The following FAT3 variants were observed in gnomAD, a reference collection of about 807,000 sequenced individuals.
The protein encoded by FAT3 is protocadherin Fat 3.
Under a neutral mutation model 310.2 loss-of-function variants are expected in FAT3, and 95 were observed. The ratio of observed to expected loss-of-function variants is 0.31; its 90% CI spans 0.26 to 0.36. FAT3 has a LOEUF of 0.36. FAT3 is among the 10% of genes least tolerant of loss of function. The pLI is 1.00. For missense variants in FAT3, 5,408 were observed against 5,715.6 expected (o/e 0.95, Z 1.74); for synonymous variants, 2,314 against 2,192.9 (o/e 1.06, Z -1.54).
intron 2 of FAT3, among the ~76,000 whole-genome samples, chr11:92,490,223 C>T (rs923530339): frequency 1.3e-5 from 2 of 152,156 alleles, no homozygotes; most frequent in African/African-American, 4.8e-5. Context: ...TAGCCATCGG[C>T]ATAATCAGTT....
intron 3 of FAT3, among the ~76,000 whole-genome samples, chr11:92,547,979 T>C (rs1954669686): frequency 6.6e-6 from 1 of 152,132 alleles, no homozygotes; most frequent in South Asian, 2.1e-4. Context: ...AGGAGACAGG[T>C]AGACATCTTC....
intron 3 of FAT3, among the ~76,000 whole-genome samples, chr11:92,565,008 C>T (rs558666603): frequency 3.3e-3 from 485 of 145,278 alleles, no homozygotes; most frequent in Non-Finnish European, 4.6e-3. Context: ...CATTCAAAAG[C>T]TAGCAGAAGG....
Position 92,859,334 on chromosome 11 carries a change from G to T in FAT3, c.11658+12G>T, listed in dbSNP as rs779716403. On this transcript the variant is annotated intron_variant, in intron 21 of 27. Transcript: ENST00000525166. ...GCATAATTCTGAAGGTAATTAAAAT[G>T]GGTTATCTTTTTCTGCAGTCAGTTC... 3 of 1,567,922 alleles carry T rather than the reference G, an allele frequency of 1.9e-6. No individual in the cohort carries two copies. The highest frequency in any genetic ancestry group is 1.2e-5 in the South Asian group (1 of 84,660).
intron 4 of FAT3, 67 bp downstream of exon 4, chr11:92,697,512 A>T: frequency 7.2e-7 from 1 of 1,389,058 alleles, no homozygotes; most frequent in Non-Finnish European, 1.0e-6. Flanking sequence ...AACCTTCAAC[A>T]TAAACTACAC....
At chr11:92,564,311 G>T (rs1955350099) in intron 3 of FAT3, among the ~76,000 whole-genome samples, 3 of 151,262 alleles carry the variant, frequency 2.0e-5, no homozygotes, top group South Asian at 2.1e-4. Flanking sequence ...TAATGGTAAA[G>T]GGATCAATTC....
chr11:92,593,991 G>A (rs901448204), intron 3 of FAT3, among the ~76,000 whole-genome samples: 1 of 152,126 alleles, frequency 6.6e-6, no homozygotes, highest in African/African-American at 2.4e-5. Context: ...TGAGAAGCAA[G>A]GACCCCTTCT....
At chr11:92,877,241 A>T (rs1949553014) in intron 22 of FAT3, among the ~76,000 whole-genome samples, 1 of 152,098 alleles carries the variant, frequency 6.6e-6, no homozygotes, top group African/African-American at 2.4e-5. Flanking sequence ...ATCCCCAAAA[A>T]CTCAGGAACT....
intron 3 of FAT3, among the ~76,000 whole-genome samples, chr11:92,562,682 G>A (rs1955274852): frequency 6.6e-6 from 1 of 152,176 alleles, no homozygotes; most frequent in African/African-American, 2.4e-5. Flanking sequence ...AGGGTGAAGG[G>A]CAGGGGCATA....
chr11:92,486,309 T>C (rs1952400721), intron 2 of FAT3, among the ~76,000 whole-genome samples: 2 of 151,904 alleles, frequency 1.3e-5, no homozygotes, highest in Admixed American at 6.6e-5. Context: ...GTTTTTTTAC[T>C]AAATTATACT....
intron 4 of FAT3, among the ~76,000 whole-genome samples, chr11:92,758,488 G>T (rs1946061696): frequency 6.6e-6 from 1 of 152,186 alleles, no homozygotes; most frequent in Admixed American, 6.5e-5. Context: ...AGCATGGCAT[G>T]CTCAGGACCT....
intron 3 of FAT3, among the ~76,000 whole-genome samples, chr11:92,580,705 A>G (rs557245944): frequency 5.5e-4 from 83 of 152,148 alleles, no homozygotes; most frequent in African/African-American, 2.0e-3. Flanking sequence ...AGTTTTATCC[A>G]TGTCGTTGGA....
intron 25 of FAT3, 45 bp downstream of exon 25, chr11:92,887,158 C>G: frequency 1.3e-6 from 2 of 1,520,286 alleles, no homozygotes; most frequent in South Asian, 2.4e-5. Context: ...GTTCTGCTTC[C>G]TGTTCTGGAA....
chr11:92,506,075 T>G (rs191639845), intron 2 of FAT3, among the ~76,000 whole-genome samples: 1 of 152,290 alleles, frequency 6.6e-6, no homozygotes, highest in East Asian at 1.9e-4. Flanking sequence ...GGCAGGTAGC[T>G]GGTCAGAACT....
chr11:92,425,635 G>C (rs1950616169), intron 2 of FAT3, among the ~76,000 whole-genome samples: 1 of 152,026 alleles, frequency 6.6e-6, no homozygotes, highest in Admixed American at 6.5e-5. Flanking sequence ...AACATGTGGT[G>C]TTTGGTTTTC....
chr11:92,617,454 T>C (rs1260637040), intron 3 of FAT3, among the ~76,000 whole-genome samples: 1 of 152,148 alleles, frequency 6.6e-6, no homozygotes, highest in African/African-American at 2.4e-5. Context: ...AGTTTGTTAT[T>C]ACCAATCGTC....
intron 2 of FAT3, among the ~76,000 whole-genome samples, chr11:92,412,825 G>T (rs934888373): frequency 5.4e-5 from 8 of 147,044 alleles, no homozygotes; most frequent in Non-Finnish European, 1.2e-4. Flanking sequence ...AAACAGAGAG[G>T]TAAGCAGAGA....
At chr11:92,761,677 T>G (rs1946154711) in intron 4 of FAT3, among the ~76,000 whole-genome samples, 179 bp from the exon 5 acceptor site, 1 of 152,118 alleles carries the variant, frequency 6.6e-6, no homozygotes, top group Admixed American at 6.5e-5. Context: ...CATCAATATA[T>G]GAATTTTAAG....
chr11:92,339,018 G>A (rs1179750259), intron 1 of FAT3, among the ~76,000 whole-genome samples: 1 of 152,184 alleles, frequency 6.6e-6, no homozygotes, highest in Non-Finnish European at 1.5e-5. Context: ...CAGCAGAAGA[G>A]CTCTATGCAG....
chr11:92,289,266 A>G lies in FAT3; in HGVS notation c.-17-62830A>G, dbSNP rs192971618. ...CCAATTCATGTCCACATTAAGGTGA[A>G]CAGTTTTCCTTCTCTCTAACCTATA... On this transcript the variant is annotated intron_variant, in intron 1 of 27. Coordinates refer to ENST00000525166, the MANE Select transcript of FAT3 (RefSeq NM_001367949.2). Among the ~76,000 whole-genome samples, 4 of 152,178 alleles carry G rather than the reference A, an allele frequency of 2.6e-5. No homozygotes were observed. The East Asian group carries it at 7.8e-4, about 30-fold the overall frequency.
Sources: allele counts gnomAD v4.1 joint callset (sites outside exome capture counted in the v4.1 genomes callset), GRCh38; gene constraint gnomAD v4.1.1; transcripts MANE v1.5; gene names NCBI Gene and HGNC (gene_info 2026-07-23, HGNC 2026-07-21).